FNIP2: variants seen among roughly 807,000 people sequenced by gnomAD.
The protein encoded by FNIP2 is folliculin interacting protein 2, also known as folliculin-interacting protein 2.
In FNIP2, 32 loss-of-function variants were observed where a neutral mutation model predicts 108.7. The observed-to-expected ratio is 0.29, with a 90% CI of 0.22 to 0.40. The LOEUF is 0.40. Ranked by LOEUF, FNIP2 falls within the 10% of genes least tolerant of loss-of-function variation. The pLI is 1.00. For synonymous variants in FNIP2, 480 were observed against 496.7 expected (o/e 0.97, Z 0.45); for missense variants, 1,202 against 1,381.6 (o/e 0.87, Z 2.06).
intron 14 of FNIP2, among the ~76,000 whole-genome samples, chr4:158,881,772 G>T (rs1781652254): frequency 6.6e-6 from 1 of 152,226 alleles, no homozygotes; most frequent in Non-Finnish European, 1.5e-5. Flanking sequence ...GCCCAGGCTG[G>T]AGTGCAGTGG....
chr4:158,900,776 ACT>A (rs1208936275), intron 16 of FNIP2, among the ~76,000 whole-genome samples: 1 of 151,516 alleles, frequency 6.6e-6, no homozygotes, highest in Non-Finnish European at 1.5e-5. Flanking sequence ...ATGGGTCTTG[ACT>A]CTTTATCCAG....
chr4:158,791,089 G>A (rs1560756175), intron 1 of FNIP2, among the ~76,000 whole-genome samples: 1 of 150,546 alleles, frequency 6.6e-6, no homozygotes, highest in Admixed American at 6.6e-5. Flanking sequence ...GGGTAACAAG[G>A]GAGGTGGAGG....
intron 1 of FNIP2, chr4:158,795,942 C>G (rs943263894): frequency 6.6e-6 from 1 of 152,226 alleles, no homozygotes; most frequent in Non-Finnish European, 1.5e-5. Flanking sequence ...CGAAGCCAGT[C>G]CCTGGTCCTG....
chr4:158,812,162 A>T (rs558457986), intron 1 of FNIP2, among the ~76,000 whole-genome samples: 8 of 152,238 alleles, frequency 5.3e-5, no homozygotes, highest in Admixed American at 2.0e-4. Context: ...TGATGGCAAA[A>T]ACTCCTATTA....
At chr4:158,830,558 G>C (rs550249182) in intron 3 of FNIP2, among the ~76,000 whole-genome samples, 1 of 152,094 alleles carries the variant, frequency 6.6e-6, no homozygotes, top group Non-Finnish European at 1.5e-5. Context: ...CACCGCGCCC[G>C]GCCCAGATTT....
chr4:158,880,531 G>A (rs1041817138), intron 14 of FNIP2, among the ~76,000 whole-genome samples: 1 of 152,148 alleles, frequency 6.6e-6, no homozygotes, highest in Admixed American at 6.5e-5. Flanking sequence ...CATGGCACAT[G>A]TATACATATG....
At chr4:158,902,061 A>G (rs1010584087) in intron 16 of FNIP2, among the ~76,000 whole-genome samples, 2 of 151,944 alleles carry the variant, frequency 1.3e-5, no homozygotes, top group Non-Finnish European at 1.5e-5. Flanking sequence ...TTTGGAGGAG[A>G]GAGCATTCTG....
intron 1 of FNIP2, among the ~76,000 whole-genome samples, chr4:158,773,371 A>C (rs1306643554): frequency 2.6e-5 from 4 of 152,146 alleles, no homozygotes; most frequent in Non-Finnish European, 1.5e-5. Flanking sequence ...TATTAAGAGC[A>C]CTTGGAACAC....
At chr4:158,859,514 C>T in intron 9 of FNIP2, 64 bp from the exon 10 acceptor site, 1 of 1,350,514 alleles carries the variant, frequency 7.4e-7, no homozygotes, top group Non-Finnish European at 1.0e-6. Context: ...TTTATTAATA[C>T]AGCCCAGTAG....
chr4:158,833,224 G>A lies in FNIP2; in HGVS notation c.555-304G>A, dbSNP rs1578884154. ...AGAAATGAATAACAGTATCTCGGGTGTCAGTCACTGAAGCAAAATTTAGAG... is the reference window on the plus strand; with the variant it reads ...AGAAATGAATAACAGTATCTCGGGTATCAGTCACTGAAGCAAAATTTAGAG... On this transcript the variant is annotated intron_variant, in intron 5 of 16. Transcript: ENST00000264433. Among the ~76,000 whole-genome samples, 3 of 152,302 alleles carry A rather than the reference G, an allele frequency of 2.0e-5. No homozygotes were observed. The South Asian group carries it at 6.2e-4, about 32-fold the overall frequency.
At chr4:158,836,523 C>G (rs865813190) in intron 7 of FNIP2, 5 of 151,716 alleles carry the variant, frequency 3.3e-5, no homozygotes, top group Non-Finnish European at 7.4e-5. Flanking sequence ...TTGATCAGGC[C>G]GAGCACAGTG....
intron 1 of FNIP2, chr4:158,796,049 C>G (rs1237972291): frequency 6.6e-6 from 1 of 152,164 alleles, no homozygotes; most frequent in African/African-American, 2.4e-5. Context: ...AAAGTTGAAC[C>G]ATAGTTGTAG....
chr4:158,899,181 C>T (rs193072839), intron 16 of FNIP2, among the ~76,000 whole-genome samples: 32 of 152,314 alleles, frequency 2.1e-4, no homozygotes, highest in Admixed American at 7.8e-4. Context: ...ACCAGTCTTG[C>T]ATCCCAGGGA....
At chr4:158,845,445 T>C (rs34293068) in intron 7 of FNIP2, among the ~76,000 whole-genome samples, 44,230 of 152,162 alleles carry the variant, frequency 0.29, 7,168 homozygotes, top group Non-Finnish European at 0.38. Context: ...GAGGTCTCAC[T>C]ATGTTGTTTA....
chr4:158,774,169 G>A (rs1775785670), intron 1 of FNIP2, among the ~76,000 whole-genome samples: 1 of 152,138 alleles, frequency 6.6e-6, no homozygotes, highest in Non-Finnish European at 1.5e-5. Flanking sequence ...ATAAATTTAT[G>A]TGAAAAACAT....
chr4:158,888,513 C>T (rs1361149064), intron 14 of FNIP2, among the ~76,000 whole-genome samples: 1 of 152,148 alleles, frequency 6.6e-6, no homozygotes, highest in African/African-American at 2.4e-5. Context: ...AATGGACTCC[C>T]GCAAATTCTT....
intron 1 of FNIP2, chr4:158,806,020 G>A (rs1453116741): frequency 1.4e-5 from 9 of 646,866 alleles, no homozygotes; most frequent in East Asian, 9.6e-5. Flanking sequence ...CTTAATTTAC[G>A]TAACAAATGA....
At chr4:158,859,812 T>C in intron 10 of FNIP2, 146 bp downstream of exon 10, 1 of 686,630 alleles carries the variant, frequency 1.5e-6, no homozygotes, top group Non-Finnish European at 2.5e-6. Context: ...ACAGAACAAA[T>C]GAAGCAAAAA....
intron 1 of FNIP2, among the ~76,000 whole-genome samples, chr4:158,782,528 T>G (rs935504167): frequency 6.6e-5 from 10 of 151,422 alleles, no homozygotes; most frequent in African/African-American, 2.2e-4. Context: ...TTTTTGTTTT[T>G]TTTTTTTCCT....
Sources: allele counts gnomAD v4.1 joint callset (sites outside exome capture counted in the v4.1 genomes callset), GRCh38; gene constraint gnomAD v4.1.1; transcripts MANE v1.5; gene names NCBI Gene and HGNC (gene_info 2026-07-23, HGNC 2026-07-21).